The following CATSPER2 variants were observed in gnomAD, a reference collection of about 807,000 sequenced individuals.
The protein encoded by CATSPER2 is cation channel sperm associated 2.
CATSPER2 carries 56 observed loss-of-function variants against 68.8 expected under a neutral mutation model. The observed-to-expected ratio is 0.81, with a 90% CI of 0.66 to 1.02. The LOEUF (loss-of-function observed/expected upper bound fraction) is 1.02, where lower values mean the gene tolerates loss of function less well. Among genes scored for constraint, CATSPER2 ranks in the 50% least tolerant of loss-of-function variants. The pLI, the probability that CATSPER2 is intolerant of heterozygous loss-of-function variation, is 0.00. For missense variants in CATSPER2, 582 were observed against 642.0 expected, an observed-to-expected ratio of 0.91 and a Z score of 1.01; for synonymous variants, 198 against 229.9, an observed-to-expected ratio of 0.86 and a Z score of 1.26.
In CATSPER2 at chr15:43,639,968, T is replaced by C. The variant is rs1241271091; in HGVS notation, c.562-170A>G. On this transcript the variant is annotated intron_variant, in intron 5 of 12. Transcript: ENST00000396879. ...TCTATATTAAGTTGCTTAAACACTA[T>C]ACTTAAACTTGTTCAGATATAAAAA... 1.1e-5 allele frequency: 17 copies of C among 1,484,228 alleles called. No individual in the cohort carries two copies. The South Asian group carries it at 1.7e-4, about 15-fold the overall frequency. 91.9% of individuals were successfully genotyped at this position (1,484,228 alleles called of 1,614,324 possible).
In CATSPER2 at chr15:43,647,943, G is replaced by T. The variant is rs28660230; in HGVS notation, c.119C>A (p.Pro40Gln). 1.2e-6 allele frequency: 2 copies of T among 1,613,594 alleles called. No individual in the cohort carries two copies. Among genetic ancestry groups the T allele is most frequent in the Non-Finnish European group, 1.7e-6 (2 of 1,179,742 alleles). ...EHLQGLSQAV[P>Q]RHTIRELLDP... is the part of the protein sequence containing the mutation. ...AAGTAACTCCCTGATAGTGTGCCGC[G>T]GCACAGCTTGGCTCAAGCCTTGCAA... The change falls in exon 2 of 13, where the codon CCG becomes CAG. Residue 40 changes from proline (P) to glutamine (Q), a missense_variant. By Grantham distance (76) the Pro-to-Gln change is moderately conservative. Around this residue, in one of 5 missense-constraint regions of CATSPER2, gnomAD observed 197 missense variants for 191.0 expected, o/e 1.03. Transcript: ENST00000396879.
chr15:43,645,228 G>C (rs555937246), intron 4 of CATSPER2, among the ~76,000 whole-genome samples: 1 of 151,604 alleles, frequency 6.6e-6, no homozygotes, highest in Non-Finnish European at 1.5e-5. Context: ...GCTAACTTTT[G>C]TATTTTTTGT....
intron 7 of CATSPER2, among the ~76,000 whole-genome samples, chr15:43,638,286 C>CTTTTTTTTTTTTTTTTTTTTTTTTTT (rs71460446): frequency 1.7e-4 from 14 of 81,826 alleles, no homozygotes; most frequent in Non-Finnish European, 2.5e-4. Context: ...TTCTTTCTTT[C>CTTTTTTTTTTTTTTTTTTTTTTTTTT]TTTTTTTTTT....
At chr15:43,646,742 T>C (rs1393495419) in intron 4 of CATSPER2, among the ~76,000 whole-genome samples, 1 of 146,216 alleles carries the variant, frequency 6.8e-6, no homozygotes, top group Non-Finnish European at 1.5e-5. Flanking sequence ...TGAGACAGAG[T>C]TGTACTCTGT....
chr15:43,648,639 G>T lies in CATSPER2; in HGVS notation c.-13C>A, dbSNP rs557506317. On this transcript the variant is annotated 5_prime_UTR_variant, in exon 1 of 13. Coordinates refer to ENST00000396879, the MANE Select transcript of CATSPER2 (RefSeq NM_172095.4). ...GCTTCTGGGCCTCACCTCAGCCCAG[G>T]TTCTCTTTGCCCACTCAGTCCTTAT... is the stretch of plus-strand genomic sequence containing the variant. The T allele has an allele frequency of 1.7e-4, 237 of 1,396,186 alleles. 3 individuals carry two copies. In the African/African-American group the frequency reaches 3.3e-3, roughly 19 times the overall value. 86.5% of individuals were successfully genotyped at this position (1,396,186 alleles called of 1,614,324 possible). A position where few individuals can be genotyped will look rare whatever the true frequency, so the allele number is the denominator to read the frequency against.
At chr15:43,638,285 TC>T (rs1225642411) in intron 7 of CATSPER2, among the ~76,000 whole-genome samples, 13 of 119,706 alleles carry the variant, frequency 1.1e-4, no homozygotes, top group Non-Finnish European at 1.8e-4. Flanking sequence ...TTTCTTTCTT[TC>T]TTTTTTTTTT....
Position 43,635,711 on chromosome 15 carries a change from A to C in CATSPER2, c.1121+16T>G. On this transcript the variant is annotated intron_variant, in intron 9 of 12. Coordinates refer to ENST00000396879, the MANE Select transcript of CATSPER2 (RefSeq NM_172095.4). The stretch of plus-strand genomic sequence containing the variant: ...CCTTGAGAAGGAAAGTTGGGGTTGA[A>C]AAGGGAGAAGCAGACCTCTGGATGA... The C allele has an allele frequency of 6.2e-7, 1 of 1,609,368 alleles. No individual in the cohort carries two copies. Among genetic ancestry groups the C allele is most frequent in the Non-Finnish European group, 8.5e-7 (1 of 1,176,364 alleles).
In CATSPER2 at chr15:43,635,407, G is replaced by GA; in HGVS notation, c.1130_1131insT (p.Met378HisfsTer4). The GA allele has an allele frequency of 6.2e-7, 1 of 1,604,330 alleles. No individual in the cohort carries two copies. The highest frequency in any genetic ancestry group is 8.5e-7 in the Non-Finnish European group (1 of 1,177,856). ...TTGACGTCAGTGCTTCATGTGACAT[G>GA]TTTTTTCTCCTGCAGAGCAAAAAAA... On this transcript the variant is annotated frameshift_variant, in exon 10 of 13. Coordinates refer to ENST00000396879, the MANE Select transcript of CATSPER2 (RefSeq NM_172095.4). LOFTEE classifies it high-confidence loss of function.
rs1419154373 is a variant in CATSPER2 at position 43,632,562 on chromosome 15, A to T, written c.1396+155T>A. The T allele has an allele frequency of 5.3e-6, 8 of 1,501,686 alleles. No individual in the cohort carries two copies. In the East Asian group the frequency reaches 6.8e-5, roughly 13 times the overall value. The allele number at this position is 1,501,686 out of a possible 1,614,324, so 93.0% of individuals were successfully genotyped here. On this transcript the variant is annotated intron_variant, in intron 11 of 12. Transcript: ENST00000396879. The stretch of plus-strand genomic sequence containing the variant: ...GCCACACTTACCCGAAGTGAAGAAG[A>T]AGTACAGGGGAAATTAAGAAGCAAA...
In CATSPER2 at chr15:43,632,923, G is replaced by A. The variant is rs1275781107; in HGVS notation, c.1190C>T (p.Ala397Val). The A allele has an allele frequency of 1.3e-6, 2 of 1,595,820 alleles. No individual in the cohort carries two copies. The highest frequency in any genetic ancestry group is 1.7e-6 in the Non-Finnish European group (2 of 1,164,750). The change falls in exon 11 of 13, where the codon GCT becomes GTT. Residue 397 changes from alanine (A) to valine (V), a missense_variant. Ala to Val is a moderately conservative substitution (Grantham distance 64, BLOSUM62 0). Around this residue, in one of 5 missense-constraint regions of CATSPER2, gnomAD observed 235 missense variants for 264.2 expected, o/e 0.89. Transcript: ENST00000396879. ...GTCCAAACTTTCCCTTTGTTGACTA[G>A]CTCCTCTTGAACTTAAAGAAGAAAT... ...HSKIEDSSRG[A>V]SQQRESLDLS...
chr15:43,638,408 A>C (rs35028925), intron 7 of CATSPER2, among the ~76,000 whole-genome samples: 86,477 of 144,304 alleles, frequency 0.6, 28,100 homozygotes, highest in African/African-American at 0.88. Context: ...CCTGCCTCAG[A>C]CTCCCGAGTA....
chr15:43,639,863 C>T (rs2086042319), intron 5 of CATSPER2, 65 bp from the exon 6 acceptor site: 3 of 1,605,852 alleles, frequency 1.9e-6, no homozygotes, highest in South Asian at 2.2e-5. Flanking sequence ...ATTGCAGCTT[C>T]TTCATCTTAT....
chr15:43,644,836 T>C (rs568461107), intron 4 of CATSPER2, among the ~76,000 whole-genome samples: 1 of 152,104 alleles, frequency 6.6e-6, no homozygotes, highest in South Asian at 2.1e-4. Flanking sequence ...GTATAGTTAC[T>C]ATTATTTACT....
chr15:43,648,604 C>T (rs1300915089), intron 1 of CATSPER2, 25 bp downstream of exon 1: 2 of 1,384,560 alleles, frequency 1.4e-6, no homozygotes, highest in Admixed American at 3.3e-5. Context: ...TCCTTCTCTC[C>T]TCCATTCTCG....
chr15:43,648,877 C>A (rs1414437847), upstream of CATSPER2: 5 of 1,502,228 alleles, frequency 3.3e-6, no homozygotes, highest in Admixed American at 4.1e-5. Context: ...TAGGCCCCGC[C>A]CCGCCCCGCT....
chr15:43,646,038 T>A (rs1485998035), intron 4 of CATSPER2, among the ~76,000 whole-genome samples: 1 of 152,016 alleles, frequency 6.6e-6, no homozygotes, highest in Non-Finnish European at 1.5e-5. Context: ...GTGAGCTTTC[T>A]TATTTATACT....
chr15:43,638,888 C>T lies in CATSPER2; in HGVS notation c.842+16G>A. The T allele has an allele frequency of 2.5e-6, 4 of 1,612,486 alleles. No homozygotes were observed. Among genetic ancestry groups the T allele is most frequent in the Non-Finnish European group, 3.4e-6 (4 of 1,179,122 alleles). On this transcript the variant is annotated intron_variant, in intron 7 of 12. Transcript: ENST00000396879. ...AAATTTTCTCCCCTCACCCAGCTGT[C>T]CCCAGCTCTGCTTACGAGAAGAACA...
At chr15:43,647,839 C>G (rs551417404) in intron 2 of CATSPER2, 78 bp downstream of exon 2, 1 of 1,524,062 alleles carries the variant, frequency 6.6e-7, no homozygotes, top group South Asian at 1.1e-5. Flanking sequence ...TAAACCTCCC[C>G]AGAATTTTCC....
chr15:43,640,413 T>C lies in CATSPER2; in HGVS notation c.472A>G (p.Ile158Val). The C allele has an allele frequency of 6.2e-7, 1 of 1,613,052 alleles. No individual in the cohort carries two copies. The highest frequency in any genetic ancestry group is 8.5e-7 in the Non-Finnish European group (1 of 1,179,422). Reference protein sequence around the residue: ...VAAWFILLIFILEILLKWLSN... With the variant: ...VAAWFILLIFVLEILLKWLSN... ...AGCCACTTAAGAAGGATCTCCAGGA[T>C]GAAAATAAGCAAGATAAACCAAGCT... The change falls in exon 5 of 13, where the codon ATC (isoleucine) becomes GTC (valine). Residue 158 changes from isoleucine (I) to valine (V), a missense_variant. Ile to Val is a conservative substitution (Grantham distance 29). Around this residue, in one of 5 missense-constraint regions of CATSPER2, gnomAD observed 45 missense variants for 80.2 expected, o/e 0.56. Transcript: ENST00000396879.
Sources: gnomAD v4.1 joint callset for allele counts (sites outside exome capture counted in the v4.1 genomes callset) on GRCh38, gnomAD v4.1.1 for gene constraint, gnomAD v4.1.1 regional missense constraint, MANE v1.5 for transcripts, NCBI Gene and HGNC (gene_info 2026-07-23, HGNC 2026-07-21) for gene names.